The following SNX25 variants were observed in gnomAD, a reference collection of about 807,000 sequenced individuals.
The protein encoded by SNX25 is sorting nexin 25, also known as sorting nexin-25.
A neutral mutation model predicts 113.7 loss-of-function variants in SNX25; 62 were observed. The observed-to-expected ratio is 0.55, with a 90% CI of 0.44 to 0.67. The LOEUF is 0.67. Ranked by LOEUF, SNX25 falls within the 30% of genes least tolerant of loss-of-function variation. The pLI is 0.00. For missense variants in SNX25, 1,014 were observed against 1,161.0 expected, an observed-to-expected ratio of 0.87 and a Z score of 1.84; for synonymous variants, 421 against 436.2, an observed-to-expected ratio of 0.97 and a Z score of 0.43.
intron 5 of SNX25, among the ~76,000 whole-genome samples, chr4:185,282,513 A>G (rs1750750631): frequency 6.6e-6 from 1 of 152,192 alleles, no homozygotes; most frequent in African/African-American, 2.4e-5. Flanking sequence ...AGTGCTGCGT[A>G]GCATTTCAGT....
intron 5 of SNX25, among the ~76,000 whole-genome samples, chr4:185,280,280 A>G (rs1750385618): frequency 6.6e-6 from 1 of 152,214 alleles, no homozygotes; most frequent in Non-Finnish European, 1.5e-5. Context: ...GGGTTTGGTT[A>G]AAAAGATTTT....
chr4:185,312,647 C>T (rs977636969), intron 7 of SNX25, among the ~76,000 whole-genome samples: 6 of 151,386 alleles, frequency 4.0e-5, no homozygotes, highest in East Asian at 3.9e-4. Flanking sequence ...CTCAGCCTCC[C>T]GAGCAGCTGG....
chr4:185,311,759 C>T (rs1254337525), intron 7 of SNX25, among the ~76,000 whole-genome samples: 2 of 152,190 alleles, frequency 1.3e-5, no homozygotes, highest in Non-Finnish European at 2.9e-5. Flanking sequence ...TCCCCTGCCT[C>T]CCTATTCCAG....
chr4:185,348,572 T>C (rs2095299634), intron 13 of SNX25, among the ~76,000 whole-genome samples: 1 of 152,080 alleles, frequency 6.6e-6, no homozygotes. Context: ...AATTTTTGTA[T>C]CTTTAGTAGA....
chr4:185,247,442 A>G, intron 2 of SNX25, 64 bp downstream of exon 2: 1 of 1,194,768 alleles, frequency 8.4e-7, no homozygotes, highest in Non-Finnish European at 1.2e-6. Flanking sequence ...TAAGAGGAAA[A>G]TAATAATCTC....
intron 1 of SNX25, among the ~76,000 whole-genome samples, chr4:185,219,704 T>C (rs1261471167): frequency 1.3e-5 from 2 of 152,180 alleles, no homozygotes; most frequent in African/African-American, 4.8e-5. Flanking sequence ...GCTGCTGGGA[T>C]CAAGCCAGGA....
chr4:185,355,159 A>G (rs1273625030), intron 15 of SNX25, among the ~76,000 whole-genome samples: 1 of 152,250 alleles, frequency 6.6e-6, no homozygotes, highest in East Asian at 1.9e-4. Context: ...TATCTACTAC[A>G]ATGCCTGACC....
chr4:185,373,441 G>A (rs1299297789), downstream of SNX25, among the ~76,000 whole-genome samples: 1 of 152,202 alleles, frequency 6.6e-6, no homozygotes, highest in Non-Finnish European at 1.5e-5. Flanking sequence ...GGAAACCACT[G>A]ATGCTAAGGG....
chr4:185,216,512 GGT>G (rs1738849583), intron 1 of SNX25, among the ~76,000 whole-genome samples: 1 of 117,870 alleles, frequency 8.5e-6, no homozygotes, highest in East Asian at 2.8e-4. Flanking sequence ...GTGTGTATTT[GGT>G]TTTTTTTTTT....
At chr4:185,375,573 CAATGAA>C in the SNX25 span, 13 of 993,178 alleles carry the variant, frequency 1.3e-5, no homozygotes, top group Non-Finnish European at 1.8e-5. Context: ...AATCCACTGA[CAATGAA>C]ATCTTAACCA....
At chr4:185,333,787 A>G (rs566361748) in intron 10 of SNX25, among the ~76,000 whole-genome samples, 63 of 152,208 alleles carry the variant, frequency 4.1e-4, no homozygotes, top group Non-Finnish European at 7.1e-4. Flanking sequence ...ACAATGGCTC[A>G]TGCCTGTAAT....
chr4:185,260,625 C>A (rs1435550799), intron 3 of SNX25, among the ~76,000 whole-genome samples: 2 of 152,228 alleles, frequency 1.3e-5, no homozygotes, highest in Admixed American at 6.5e-5. Context: ...CAAGAGTACA[C>A]AGGACACTTT....
intron 2 of SNX25, among the ~76,000 whole-genome samples, chr4:185,250,171 T>G (rs1193749549): frequency 6.6e-6 from 1 of 152,228 alleles, no homozygotes; most frequent in Non-Finnish European, 1.5e-5. Context: ...TGTTTGGATT[T>G]TGTTCTTCAC....
At chr4:185,234,039 T>C (rs183350182) in intron 1 of SNX25, among the ~76,000 whole-genome samples, 64 of 152,150 alleles carry the variant, frequency 4.2e-4, no homozygotes, top group African/African-American at 1.5e-3. Flanking sequence ...TTTGTATTTT[T>C]AGTAGAGACG....
intron 1 of SNX25, among the ~76,000 whole-genome samples, chr4:185,234,672 ACT>A: frequency 5.9e-5 from 1 of 16,906 alleles, no homozygotes; most frequent in Admixed American, 7.1e-4. Context: ...ACAGAGCGAG[ACT>A]CTGTCTCAAA....
upstream of SNX25, among the ~76,000 whole-genome samples, chr4:185,208,235 C>T (rs984618301): frequency 3.3e-5 from 5 of 152,062 alleles, no homozygotes; most frequent in African/African-American, 1.2e-4. Context: ...CCAGGCTAGT[C>T]TTGAACTCCT....
In SNX25 at chr4:185,363,278, TA is replaced by T. The variant is rs1260428628; in HGVS notation, c.2935-105del. The T allele has an allele frequency of 1.0e-6, 1 of 963,858 alleles. No homozygotes were observed. Among genetic ancestry groups the T allele is most frequent in the Admixed American group, 2.3e-5 (1 of 44,118 alleles). 59.7% of individuals were successfully genotyped at this position (963,858 alleles called of 1,614,324 possible). A position where few individuals can be genotyped will look rare whatever the true frequency, so the allele number is the denominator to read the frequency against. ...TTTGAGAGTTACTTGTTTACTGAGA[TA>T]ATTTCAGACCTAAAATTAGACTTTT... On this transcript the variant is annotated intron_variant, in intron 18 of 18. Coordinates refer to ENST00000652585, the MANE Select transcript of SNX25 (RefSeq NM_001378034.2). This position sits in a 1 kb window ranked among gnomAD's most constrained non-coding sequence, Gnocchi z 4.2.
intron 2 of SNX25, among the ~76,000 whole-genome samples, chr4:185,255,977 A>G (rs1264034145): frequency 6.6e-6 from 1 of 152,216 alleles, no homozygotes; most frequent in Non-Finnish European, 1.5e-5. Flanking sequence ...AGATGTAGCT[A>G]CTTTTTGCAA....
chr4:185,259,865 C>T (rs2126525853), intron 3 of SNX25, among the ~76,000 whole-genome samples: 1 of 152,220 alleles, frequency 6.6e-6, no homozygotes. Flanking sequence ...TGATGCTGTT[C>T]GTGTAGGGGA....
Sources: allele counts gnomAD v4.1 joint callset (sites outside exome capture counted in the v4.1 genomes callset), GRCh38; gene constraint gnomAD v4.1.1; non-coding constraint Gnocchi (gnomAD v3.1); transcripts MANE v1.5; gene names NCBI Gene and HGNC (gene_info 2026-07-23, HGNC 2026-07-21).